RAB38: variants seen among roughly 807,000 people sequenced by gnomAD.
RAB38 encodes RAB38, member RAS oncogene family.
Under a neutral mutation model 18.4 loss-of-function variants are expected in RAB38, and 15 were observed. The observed-to-expected ratio is 0.82, with a 90% CI of 0.55 to 1.26. The LOEUF is 1.26. Ranked by LOEUF, RAB38 falls within the 50% of genes most tolerant of loss-of-function variation. The pLI, the probability that RAB38 is intolerant of heterozygous loss-of-function variation, is 0.00. For missense variants in RAB38, 294 were observed against 267.4 expected (o/e 1.10, Z -0.69); for synonymous variants, 101 against 104.4 (o/e 0.97, Z 0.20).
the RAB38 span, among the ~76,000 whole-genome samples, chr11:87,935,530 T>C: frequency 6.6e-6 from 1 of 152,058 alleles, no homozygotes; most frequent in African/African-American, 2.4e-5. Context: ...CAGTTAATTA[T>C]TATTTTTATT....
chr11:87,961,325 C>T, the RAB38 span, among the ~76,000 whole-genome samples: 5 of 152,114 alleles, frequency 3.3e-5, no homozygotes, highest in Admixed American at 2.6e-4. Flanking sequence ...TTAAAAATAA[C>T]AAGTTTAAGG....
At chr11:87,834,672 T>G in the RAB38 span, among the ~76,000 whole-genome samples, 624 of 152,308 alleles carry the variant, frequency 4.1e-3, 4 homozygotes, top group Middle Eastern at 0.014. Flanking sequence ...ATATATTGTT[T>G]GAAATATGTA....
intron 2 of RAB38, among the ~76,000 whole-genome samples, chr11:88,147,896 AAAAC>A (rs1182353524): frequency 1.3e-5 from 2 of 152,106 alleles, no homozygotes; most frequent in Non-Finnish European, 2.9e-5. Context: ...CTGTCTCAAA[AAAAC>A]AAACAAACAA....
At chr11:88,077,557 C>T in the RAB38 span, among the ~76,000 whole-genome samples, 3 of 152,030 alleles carry the variant, frequency 2.0e-5, no homozygotes, top group African/African-American at 7.2e-5. Flanking sequence ...AGGGAAAAGA[C>T]AGAATCTTCA....
At chr11:87,816,811 TA>T in the RAB38 span, among the ~76,000 whole-genome samples, 381 of 152,222 alleles carry the variant, frequency 2.5e-3, no homozygotes, top group African/African-American at 8.7e-3. Context: ...TGGGAGCTTG[TA>T]AAAATGCAGA....
At chr11:87,807,845 C>G in the RAB38 span, among the ~76,000 whole-genome samples, 1 of 152,166 alleles carries the variant, frequency 6.6e-6, no homozygotes, top group Non-Finnish European at 1.5e-5. Flanking sequence ...GTGGACCAAA[C>G]AGCTGCTCTC....
chr11:87,952,512 A>G, the RAB38 span, among the ~76,000 whole-genome samples: 1 of 152,296 alleles, frequency 6.6e-6, no homozygotes, highest in East Asian at 1.9e-4. Context: ...CTTTTTCAGA[A>G]TACCATATTC....
the RAB38 span, among the ~76,000 whole-genome samples, chr11:87,976,832 TA>T: frequency 4.7e-5 from 3 of 64,482 alleles, no homozygotes; most frequent in African/African-American, 2.4e-4. Context: ...ATGTATAATA[TA>T]AATATATATT....
the RAB38 span, among the ~76,000 whole-genome samples, chr11:87,814,343 A>C: frequency 2.0e-5 from 3 of 152,238 alleles, no homozygotes; most frequent in African/African-American, 4.8e-5. Context: ...TAGGTTTGTT[A>C]TATGGATGTT....
At chr11:88,150,532 ATGTT>A (rs1398860671) in intron 1 of RAB38, among the ~76,000 whole-genome samples, 1 of 152,232 alleles carries the variant, frequency 6.6e-6, no homozygotes, top group Non-Finnish European at 1.5e-5. Flanking sequence ...ATTATGGAGT[ATGTT>A]TAAAAGGGAT....
the RAB38 span, among the ~76,000 whole-genome samples, chr11:88,055,117 G>T: frequency 6.6e-6 from 1 of 152,172 alleles, no homozygotes; most frequent in African/African-American, 2.4e-5. Context: ...TGTGACTGCA[G>T]TACCAGCTAT....
the RAB38 span, among the ~76,000 whole-genome samples, chr11:87,915,352 C>A: frequency 6.6e-6 from 1 of 152,084 alleles, no homozygotes; most frequent in Non-Finnish European, 1.5e-5. Context: ...GCTGATAAAA[C>A]AGGTTGCAGT....
chr11:87,966,640 C>T, the RAB38 span, among the ~76,000 whole-genome samples: 2 of 152,132 alleles, frequency 1.3e-5, no homozygotes, highest in Admixed American at 6.6e-5. Context: ...AAGCACAGGT[C>T]ATAGATTTTT....
At chr11:88,004,229 T>G in the RAB38 span, among the ~76,000 whole-genome samples, 4 of 150,372 alleles carry the variant, frequency 2.7e-5, no homozygotes, top group African/African-American at 9.7e-5. Context: ...AATACAGATT[T>G]AAAAAGTCTT....
the RAB38 span, among the ~76,000 whole-genome samples, chr11:87,875,655 AT>A: frequency 1.3e-5 from 2 of 151,460 alleles, no homozygotes; most frequent in African/African-American, 4.8e-5. Context: ...TAATTTAATA[AT>A]TTTCATTGCA....
intron 2 of RAB38, among the ~76,000 whole-genome samples, chr11:88,140,171 G>A (rs1316543749): frequency 6.6e-6 from 1 of 152,180 alleles, no homozygotes; most frequent in Non-Finnish European, 1.5e-5. Flanking sequence ...AAGGTAGGGG[G>A]TGCAGCTTCC....
chr11:87,952,128 C>T, the RAB38 span, among the ~76,000 whole-genome samples: 1 of 152,082 alleles, frequency 6.6e-6, no homozygotes, highest in Admixed American at 6.5e-5. Flanking sequence ...CAGGTCATTC[C>T]TGCCTGGCAC....
the RAB38 span, among the ~76,000 whole-genome samples, chr11:88,013,812 C>T: frequency 6.6e-6 from 1 of 152,146 alleles, no homozygotes; most frequent in South Asian, 2.1e-4. Context: ...GGCTATTTTT[C>T]AAGGCCATGC....
chr11:88,119,611 T>C (rs951206795), intron 2 of RAB38, among the ~76,000 whole-genome samples: 2 of 151,736 alleles, frequency 1.3e-5, no homozygotes, highest in Non-Finnish European at 2.9e-5. Flanking sequence ...TAATTAGCTC[T>C]TCAGAACATC....
Sources: allele counts gnomAD v4.1 joint callset (sites outside exome capture counted in the v4.1 genomes callset), GRCh38; gene constraint gnomAD v4.1.1; transcripts MANE v1.5; gene names NCBI Gene and HGNC (gene_info 2026-07-23, HGNC 2026-07-21).